The following ATP2C1 variants were observed in gnomAD, a reference collection of about 807,000 sequenced individuals.
ATP2C1 encodes calcium-transporting ATPase type 2C member 1.
In ATP2C1, 31 loss-of-function variants were observed where a neutral mutation model predicts 120.5. That is an observed-to-expected ratio of 0.26 (90% CI 0.19 to 0.35). The LOEUF (loss-of-function observed/expected upper bound fraction) is 0.35, where lower values mean the gene tolerates loss of function less well. Ranked by LOEUF, ATP2C1 falls within the 10% of genes least tolerant of loss-of-function variation. The pLI is 1.00. For missense variants in ATP2C1, 731 were observed against 1,107.5 expected (o/e 0.66, Z 4.83); for synonymous variants, 351 against 358.7 (o/e 0.98, Z 0.24).
chr3:130,894,700 A>G lies in ATP2C1; in HGVS notation c.-70A>G. On this transcript the variant is annotated 5_prime_UTR_variant, in exon 2 of 28. Transcript: ENST00000510168. This position sits in a 1 kb window ranked among gnomAD's most constrained non-coding sequence, Gnocchi z 4.5. The stretch of plus-strand genomic sequence containing the variant: ...TCCTTGTCCTCCTCCTCTCCTCTCT[A>G]TTCCCAGTGTGGCCGTGGCTGACAC... The G allele has an allele frequency of 6.2e-7, 1 of 1,613,724 alleles. No homozygotes were observed. The highest frequency in any genetic ancestry group is 1.7e-5 in the Admixed American group (1 of 60,008).
intron 12 of ATP2C1, 200 bp downstream of exon 12, chr3:130,959,541 C>A (rs2060726949): frequency 5.6e-6 from 2 of 356,492 alleles, no homozygotes; most frequent in Non-Finnish European, 1.0e-5. Context: ...TGAAGAAAAC[C>A]CATACTAGAT....
chr3:130,931,134 G>T (rs957145605), intron 3 of ATP2C1, among the ~76,000 whole-genome samples: 10 of 151,904 alleles, frequency 6.6e-5, no homozygotes, highest in Admixed American at 2.0e-4. Context: ...CCTTTTTTAG[G>T]TTTTTGTTGT....
chr3:130,901,278 T>C (rs1285060003), intron 2 of ATP2C1, among the ~76,000 whole-genome samples: 1 of 152,052 alleles, frequency 6.6e-6, no homozygotes, highest in African/African-American at 2.4e-5. Context: ...AAAGATGTGG[T>C]CATTGGGGAC....
intron 18 of ATP2C1, among the ~76,000 whole-genome samples, chr3:130,977,931 T>A (rs2108761721): frequency 6.6e-6 from 1 of 152,332 alleles, no homozygotes; most frequent in Non-Finnish European, 1.5e-5. Flanking sequence ...TATTTTGTTT[T>A]ATGTCAGGGG....
intron 17 of ATP2C1, among the ~76,000 whole-genome samples, chr3:130,972,468 C>A (rs2108710586): frequency 6.7e-6 from 1 of 148,844 alleles, no homozygotes; most frequent in East Asian, 2.0e-4. Flanking sequence ...TTAGTTTCTT[C>A]ACTCTTTTTT....
intron 2 of ATP2C1, among the ~76,000 whole-genome samples, chr3:130,908,975 A>G (rs1196189956): frequency 6.6e-6 from 1 of 152,170 alleles, no homozygotes; most frequent in Non-Finnish European, 1.5e-5. Flanking sequence ...TGATTGTGCT[A>G]GTTTTTAATT....
intron 4 of ATP2C1, among the ~76,000 whole-genome samples, chr3:130,934,285 TCTC>T (rs780149863): frequency 5.3e-5 from 8 of 152,170 alleles, no homozygotes; most frequent in Non-Finnish European, 7.4e-5. Flanking sequence ...AAAATCATCT[TCTC>T]CTGCTTTTTC....
intron 2 of ATP2C1, among the ~76,000 whole-genome samples, chr3:130,898,930 T>G (rs1177188067): frequency 6.6e-6 from 1 of 152,182 alleles, no homozygotes; most frequent in Non-Finnish European, 1.5e-5. Flanking sequence ...TTAAAATATC[T>G]TAAGGATCAG....
intron 8 of ATP2C1, among the ~76,000 whole-genome samples, chr3:130,947,797 A>AT (rs928327441): frequency 2.7e-5 from 4 of 150,306 alleles, no homozygotes; most frequent in South Asian, 2.1e-4. Context: ...CCTCCAATTG[A>AT]TTTTTTTTGA....
rs1576953780 is a variant in ATP2C1 at position 130,975,365 on chromosome 3, T to C, written c.1447T>C (p.Tyr483His). The C allele has an allele frequency of 1.2e-6, 2 of 1,613,826 alleles. No homozygotes were observed. The highest frequency in any genetic ancestry group is 4.5e-5 in the East Asian group (2 of 44,864). The change falls in exon 18 of 28, where the codon TAC becomes CAC. Residue 483 changes from tyrosine (Y) to histidine (H), a missense_variant. Around this residue, in one of 3 missense-constraint regions of ATP2C1, gnomAD observed 571 missense variants for 845.9 expected, o/e 0.67. Transcript: ENST00000510168. ...RPEICFMKGA[Y>H]EQVIKYCTTY... Reference sequence around the variant, plus strand: ...AGAGATTTGTTTTATGAAAGGTGCTTACGAACAAGTAATTAAGTACTGTAC... The same window carrying C: ...AGAGATTTGTTTTATGAAAGGTGCTCACGAACAAGTAATTAAGTACTGTAC...
intron 1 of ATP2C1, among the ~76,000 whole-genome samples, chr3:130,880,144 A>C (rs186284327): frequency 5.3e-5 from 8 of 152,342 alleles, no homozygotes; most frequent in Admixed American, 3.3e-4. Flanking sequence ...AAAATTACAG[A>C]GTTCCCTTTA....
intron 9 of ATP2C1, 70 bp from the exon 10 acceptor site, chr3:130,954,942 T>C: frequency 2.0e-6 from 2 of 1,009,172 alleles, no homozygotes; most frequent in East Asian, 2.4e-5. Flanking sequence ...AGTTGTTGGA[T>C]GTGTGTGTGT....
intron 1 of ATP2C1, among the ~76,000 whole-genome samples, chr3:130,865,856 A>T (rs1490014627): frequency 6.6e-6 from 1 of 152,196 alleles, no homozygotes; most frequent in Non-Finnish European, 1.5e-5. Flanking sequence ...ACTAATATAC[A>T]TAGTTTCTGA....
chr3:130,911,616 G>T (rs1443701175), intron 2 of ATP2C1, among the ~76,000 whole-genome samples: 1 of 152,132 alleles, frequency 6.6e-6, no homozygotes, highest in Non-Finnish European at 1.5e-5. Flanking sequence ...ACAAACAAAT[G>T]GAAGAACATT....
intron 20 of ATP2C1, among the ~76,000 whole-genome samples, chr3:130,983,205 C>T (rs1489367228): frequency 6.6e-6 from 1 of 152,048 alleles, no homozygotes; most frequent in East Asian, 1.9e-4. Context: ...ACAATAGCAA[C>T]CATTTATTAT....
intron 1 of ATP2C1, among the ~76,000 whole-genome samples, chr3:130,853,167 C>T (rs1019192639): frequency 9.2e-5 from 14 of 151,992 alleles, no homozygotes; most frequent in Middle Eastern, 3.4e-3. Context: ...TGTCATTAGC[C>T]GTAAGTAAAA....
chr3:130,886,310 G>C (rs1208188261), intron 1 of ATP2C1, among the ~76,000 whole-genome samples: 1 of 151,830 alleles, frequency 6.6e-6, no homozygotes, highest in Non-Finnish European at 1.5e-5. Context: ...AAATACCTTG[G>C]GGGTAGTCTT....
Position 130,975,497 on chromosome 3 carries a change from A to G in ATP2C1, c.1570+9A>G, listed in dbSNP as rs199864073. The G allele has an allele frequency of 5.3e-4, 863 of 1,613,236 alleles. 6 individuals carry two copies. In the Middle Eastern group the frequency reaches 0.011, roughly 20 times the overall value. On this transcript the variant is annotated intron_variant, in intron 18 of 27. Transcript: ENST00000510168. ...CTCAGCGGGACTCAGAGGTAAGGCT[A>G]TTTCAGCATAGTCCCCTGGGGTGGA...
At chr3:130,965,218 T>C (rs35615044) in intron 14 of ATP2C1, among the ~76,000 whole-genome samples, 173 bp downstream of exon 14, 103 of 152,218 alleles carry the variant, frequency 6.8e-4, no homozygotes, top group Middle Eastern at 3.4e-3. Context: ...ACTTGTACAC[T>C]TGTTCAATCC....
Sources: allele counts gnomAD v4.1 joint callset (sites outside exome capture counted in the v4.1 genomes callset), GRCh38; gene constraint gnomAD v4.1.1; regional missense constraint gnomAD v4.1.1; non-coding constraint Gnocchi (gnomAD v3.1); transcripts MANE v1.5; gene names NCBI Gene and HGNC (gene_info 2026-07-23, HGNC 2026-07-21).